SWAP70: variants seen among roughly 807,000 people sequenced by gnomAD.
SWAP70 encodes switching B cell complex subunit SWAP70.
SWAP70 carries 34 observed loss-of-function variants against 80.2 expected under a neutral mutation model. The ratio of observed to expected loss-of-function variants is 0.42; its 90% confidence interval spans 0.32 to 0.56. The LOEUF (loss-of-function observed/expected upper bound fraction) is 0.56, where lower values mean the gene tolerates loss of function less well. Among genes scored for constraint, SWAP70 ranks in the 20% least tolerant of loss-of-function variants. The pLI is 0.09. For synonymous variants in SWAP70, 239 were observed against 238.5 expected (o/e 1.00, Z -0.02); for missense variants, 578 against 690.7 (o/e 0.84, Z 1.83).
At chr11:9,713,316 A>G (rs1370095700) in intron 2 of SWAP70, 150 bp from the exon 3 acceptor site, 3 of 755,388 alleles carry the variant, frequency 4.0e-6, no homozygotes, top group African/African-American at 1.8e-5. Context: ...TGAAAGTGTA[A>G]TACCTAAAGC....
At chr11:9,709,519 T>A (rs1850967321) in intron 2 of SWAP70, among the ~76,000 whole-genome samples, 1 of 152,142 alleles carries the variant, frequency 6.6e-6, no homozygotes, top group Admixed American at 6.5e-5. Flanking sequence ...TAGTTGAAAA[T>A]CCAAGTATAA....
In SWAP70 at chr11:9,675,392, A is replaced by G. The variant is rs1350924680; in HGVS notation, c.99+11114A>G. 1.0e-4 allele frequency among the ~76,000 whole-genome samples: 12 copies of G among 115,060 alleles called. 1 individual carries two copies. Among genetic ancestry groups the G allele is most frequent in the African/African-American group, 2.2e-4 (6 of 27,842 alleles). 75.5% of individuals were successfully genotyped at this position (115,060 alleles called of 152,430 possible). A position where few individuals can be genotyped will look rare whatever the true frequency, so the allele number is the denominator to read the frequency against. ...GAGAGAGAGAGAGAGAGAGAGAGAG[A>G]GAGAGAGAGAGAGAGAGAGAGAGAG... On this transcript the variant is annotated intron_variant, in intron 1 of 11. Coordinates refer to ENST00000318950, the MANE Select transcript of SWAP70 (RefSeq NM_015055.4).
In SWAP70 at chr11:9,738,290, G is replaced by A. The variant is rs144892674; in HGVS notation, c.1158G>A (p.Arg386=). Residue 386 remains arginine, a synonymous_variant, in exon 8 of 12, where the codon AGG becomes AGA. Transcript: ENST00000318950. ...RLQTQVELQA[R]FSTELEREKL... ...AGACTCAAGTGGAACTTCAGGCCAGGTTCAGCACAGAGCTGGAAAGAGAGA... is the reference window on the plus strand; with the variant it reads ...AGACTCAAGTGGAACTTCAGGCCAGATTCAGCACAGAGCTGGAAAGAGAGA... The A allele has an allele frequency of 2.2e-4, 362 of 1,609,858 alleles. 1 individual carries two copies. The African/African-American group carries it at 4.3e-3, about 19-fold the overall frequency.
chr11:9,749,243 A>T lies in SWAP70; in HGVS notation c.1651+60A>T, dbSNP rs550776794. 1.2e-4 allele frequency: 111 copies of T among 955,776 alleles called. No homozygotes were observed. The African/African-American group carries it at 1.8e-3, about 15-fold the overall frequency. The allele number at this position is 955,776 out of a possible 1,614,324, so 59.2% of individuals were successfully genotyped here. The stretch of plus-strand genomic sequence containing the variant: ...TTTATTTTTCATTTTTATTTTATTT[A>T]ATTAATTTATTTATTTTGAGATGGA... On this transcript the variant is annotated intron_variant, in intron 11 of 11. Coordinates refer to ENST00000318950, the MANE Select transcript of SWAP70 (RefSeq NM_015055.4).
At chr11:9,671,201 T>A (rs1174694618) in intron 1 of SWAP70, among the ~76,000 whole-genome samples, 1 of 93,398 alleles carries the variant, frequency 1.1e-5, no homozygotes, top group African/African-American at 4.6e-5. Flanking sequence ...TAAAATATAT[T>A]TATAAATATA....
At chr11:9,682,878 A>G (rs1370605137) in intron 1 of SWAP70, among the ~76,000 whole-genome samples, 15 of 152,138 alleles carry the variant, frequency 9.9e-5, no homozygotes. Flanking sequence ...GGTTTTTGCC[A>G]TGTTGGCAGG....
chr11:9,721,083 TG>T (rs1363760181), intron 3 of SWAP70, among the ~76,000 whole-genome samples: 1 of 152,268 alleles, frequency 6.6e-6, no homozygotes, highest in Non-Finnish European at 1.5e-5. Flanking sequence ...CCCAAATTGC[TG>T]GGATGACAGG....
At chr11:9,671,450 T>A (rs1267695920) in intron 1 of SWAP70, among the ~76,000 whole-genome samples, 2 of 84,948 alleles carry the variant, frequency 2.4e-5, no homozygotes, top group African/African-American at 4.5e-5. Context: ...AAAAATATAT[T>A]TATAAATATA....
intron 3 of SWAP70, among the ~76,000 whole-genome samples, chr11:9,716,377 A>G (rs1851066362): frequency 6.6e-6 from 1 of 152,194 alleles, no homozygotes; most frequent in Non-Finnish European, 1.5e-5. Context: ...AGCAGAGACA[A>G]GTTTCAGGCC....
intron 1 of SWAP70, among the ~76,000 whole-genome samples, chr11:9,681,646 A>G (rs1312370400): frequency 6.6e-6 from 1 of 152,152 alleles, no homozygotes; most frequent in East Asian, 1.9e-4. Flanking sequence ...ATTAAAACAG[A>G]TATGTACCCT....
rs141505672 is a variant in SWAP70, at chr11:9,720,593, A to G, written c.415-4065A>G. On this transcript the variant is annotated intron_variant, in intron 3 of 11. Transcript: ENST00000318950. ...AGTCATACTGCACACACATGTGGCT[A>G]TACACATGTGCTTCCTTTGCCTTGC... is the stretch of plus-strand genomic sequence containing the variant. The G allele has an allele frequency of 1.8e-5, 10 of 561,104 alleles. No homozygotes were observed. The East Asian group carries it at 8.8e-4, about 49-fold the overall frequency. The allele number at this position is 561,104 out of a possible 1,614,324, so 34.8% of individuals were successfully genotyped here. A position where few individuals can be genotyped will look rare whatever the true frequency, so the allele number is the denominator to read the frequency against.
intron 1 of SWAP70, among the ~76,000 whole-genome samples, chr11:9,669,007 A>G (rs1850341778): frequency 6.6e-6 from 1 of 152,222 alleles, no homozygotes; most frequent in Non-Finnish European, 1.5e-5. Flanking sequence ...TATATTACTC[A>G]GACAATTACT....
intron 1 of SWAP70, among the ~76,000 whole-genome samples, chr11:9,681,419 G>T (rs1410583577): frequency 6.6e-6 from 1 of 152,214 alleles, no homozygotes; most frequent in Non-Finnish European, 1.5e-5. Flanking sequence ...TTGACTGACA[G>T]TCTGTCTTAG....
At chr11:9,741,832 C>A (rs896012518) in intron 9 of SWAP70, 1 of 147,402 alleles carries the variant, frequency 6.8e-6, no homozygotes, top group Non-Finnish European at 1.5e-5. Context: ...GAAAAATACA[C>A]CACAAAGTGT....
At chr11:9,693,238 T>A (rs1850716876) in intron 1 of SWAP70, among the ~76,000 whole-genome samples, 1 of 152,242 alleles carries the variant, frequency 6.6e-6, no homozygotes, top group Non-Finnish European at 1.5e-5. Context: ...TAATTTGACC[T>A]GTTCAGAAAG....
At chr11:9,693,523 T>TTTTATA in intron 1 of SWAP70, among the ~76,000 whole-genome samples, 1 of 152,340 alleles carries the variant, frequency 6.6e-6, no homozygotes, top group African/African-American at 2.4e-5. Flanking sequence ...TTCTTTCTCT[T>TTTTATA]TTTATATTTA....
At chr11:9,701,508 C>T (rs1001142382) in intron 2 of SWAP70, among the ~76,000 whole-genome samples, 20 of 150,616 alleles carry the variant, frequency 1.3e-4, no homozygotes, top group African/African-American at 4.6e-4. Context: ...CTTGGCTGGG[C>T]GTGTTAGGTT....
At chr11:9,683,675 G>GA (rs1850596063) in intron 1 of SWAP70, among the ~76,000 whole-genome samples, 2 of 152,166 alleles carry the variant, frequency 1.3e-5, no homozygotes, top group Non-Finnish European at 2.9e-5. Context: ...ATATGGATTT[G>GA]GCAAAACCAG....
chr11:9,686,590 C>T (rs1316297247), intron 1 of SWAP70, among the ~76,000 whole-genome samples: 1 of 151,914 alleles, frequency 6.6e-6, no homozygotes, highest in Non-Finnish European at 1.5e-5. Context: ...CTCAAGTGAT[C>T]CTCCTCCCTT....
Sources: gnomAD v4.1 joint callset for allele counts (sites outside exome capture counted in the v4.1 genomes callset) on GRCh38, gnomAD v4.1.1 for gene constraint, MANE v1.5 for transcripts, NCBI Gene and HGNC (gene_info 2026-07-23, HGNC 2026-07-21) for gene names.